UBXN2A: variants seen among roughly 807,000 people sequenced by gnomAD.
The protein encoded by UBXN2A is UBX domain-containing protein 2A.
UBXN2A carries 28 observed loss-of-function variants against 28.4 expected under a neutral mutation model. That is an observed-to-expected ratio of 0.99 (90% CI 0.73 to 1.35). The LOEUF is 1.35. Among genes scored for constraint, UBXN2A ranks in the 40% most tolerant of loss-of-function variants. The pLI is 0.00. For synonymous variants in UBXN2A, 97 were observed against 103.6 expected (o/e 0.94, Z 0.39); for missense variants, 253 against 297.9 (o/e 0.85, Z 1.11).
intron 2 of UBXN2A, among the ~76,000 whole-genome samples, chr2:23,970,056 C>T (rs1334041327): frequency 6.6e-6 from 1 of 152,084 alleles, no homozygotes; most frequent in Non-Finnish European, 1.5e-5. Flanking sequence ...CTTTGGGTGG[C>T]CAAGACAGGC....
intron 6 of UBXN2A, among the ~76,000 whole-genome samples, chr2:23,998,380 T>C (rs886352660): frequency 6.6e-6 from 1 of 152,174 alleles, no homozygotes; most frequent in African/African-American, 2.4e-5. Flanking sequence ...TCATATAATA[T>C]TTGAGAAGAC....
chr2:23,962,933 C>T (rs952121546), intron 2 of UBXN2A, among the ~76,000 whole-genome samples: 3 of 152,162 alleles, frequency 2.0e-5, no homozygotes, highest in African/African-American at 7.2e-5. Context: ...ATTGGACTTA[C>T]AGTTCCGCAT....
chr2:23,956,376 TCTCA>T lies in UBXN2A; in HGVS notation c.-14-1922_-14-1919del, dbSNP rs555460684. 5.3e-5 allele frequency among the ~76,000 whole-genome samples: 8 copies of T among 152,214 alleles called. No individual in the cohort carries two copies. The South Asian group carries it at 1.7e-3, about 32-fold the overall frequency. On this transcript the variant is annotated intron_variant, in intron 1 of 6. Coordinates refer to ENST00000309033, the MANE Select transcript of UBXN2A (RefSeq NM_181713.4). Reference sequence around the variant, plus strand: ...ATTATTTGTTTCTTTTTTGAGACAGTCTCACTAACTCTGTCACCAGAGTTGGAGT... The same window carrying T: ...ATTATTTGTTTCTTTTTTGAGACAGTCTAACTCTGTCACCAGAGTTGGAGT...
intron 1 of UBXN2A, among the ~76,000 whole-genome samples, chr2:23,947,232 C>G (rs1175797856): frequency 6.6e-6 from 1 of 152,184 alleles, no homozygotes; most frequent in Non-Finnish European, 1.5e-5. Flanking sequence ...TAGTCCAAAT[C>G]TATTTTGACT....
At chr2:23,945,123 A>G (rs1706000476) in intron 1 of UBXN2A, among the ~76,000 whole-genome samples, 1 of 152,176 alleles carries the variant, frequency 6.6e-6, no homozygotes, top group African/African-American at 2.4e-5. Flanking sequence ...ATAACATTTC[A>G]GTATGGAGCC....
At chr2:23,962,602 A>ATTTT in intron 2 of UBXN2A, among the ~76,000 whole-genome samples, 1 of 133,938 alleles carries the variant, frequency 7.5e-6, no homozygotes, top group African/African-American at 2.7e-5. Flanking sequence ...TCCTTTTTTT[A>ATTTT]TTCTTTTTTT....
chr2:23,976,208 C>T (rs535689208), intron 3 of UBXN2A, among the ~76,000 whole-genome samples: 11 of 152,188 alleles, frequency 7.2e-5, no homozygotes, highest in Non-Finnish European at 1.0e-4. Flanking sequence ...ACAGCATAAG[C>T]GGGAGCTACC....
chr2:23,939,339 G>GGGA (rs2150790617), upstream of UBXN2A, among the ~76,000 whole-genome samples: 1 of 152,272 alleles, frequency 6.6e-6, no homozygotes, highest in East Asian at 1.9e-4. Flanking sequence ...TGGGGATTGG[G>GGGA]GGAGGCTACA....
upstream of UBXN2A, among the ~76,000 whole-genome samples, chr2:23,935,568 G>A (rs185445908): frequency 3.7e-4 from 57 of 152,310 alleles, no homozygotes; most frequent in East Asian, 0.011. Context: ...GGGCGGGATA[G>A]TTATAAACAC....
upstream of UBXN2A, among the ~76,000 whole-genome samples, chr2:23,939,143 G>T (rs916854717): frequency 2.6e-5 from 4 of 152,104 alleles, no homozygotes; most frequent in Non-Finnish European, 5.9e-5. Context: ...ATTCGGAAAG[G>T]ATTATTGCAA....
chr2:23,928,040 G>A (rs948855823), intron 1 of UBXN2A, among the ~76,000 whole-genome samples: 83 of 151,932 alleles, frequency 5.5e-4, no homozygotes, highest in Admixed American at 5.4e-3. Flanking sequence ...GATGGGTGTT[G>A]TGGTGGGCAC....
intron 2 of UBXN2A, among the ~76,000 whole-genome samples, chr2:23,960,156 C>A (rs532199308): frequency 2.0e-5 from 3 of 151,672 alleles, no homozygotes; most frequent in Admixed American, 2.0e-4. Context: ...CTCGGGAGGC[C>A]GAGGCAGGAG....
chr2:23,977,512 C>T (rs1215946477), intron 4 of UBXN2A, among the ~76,000 whole-genome samples: 1 of 151,958 alleles, frequency 6.6e-6, no homozygotes, highest in Admixed American at 6.6e-5. Flanking sequence ...TGTGGTGGCA[C>T]ATGCCTGTAA....
intron 1 of UBXN2A, among the ~76,000 whole-genome samples, chr2:23,929,136 A>G (rs1409600032): frequency 6.6e-6 from 1 of 152,042 alleles, no homozygotes; most frequent in Non-Finnish European, 1.5e-5. Flanking sequence ...AAAAAGAAAG[A>G]GAGAGAGACA....
chr2:23,969,059 A>C (rs1476146229), intron 2 of UBXN2A: 1 of 151,042 alleles, frequency 6.6e-6, no homozygotes, highest in African/African-American at 2.4e-5. Context: ...CGCCTAGCTA[A>C]TTTTTATATT....
chr2:23,936,586 A>G (rs1051568529), upstream of UBXN2A, among the ~76,000 whole-genome samples: 2 of 152,046 alleles, frequency 1.3e-5, no homozygotes, highest in African/African-American at 4.8e-5. Flanking sequence ...AGAGATTACT[A>G]TGGGCTGTGG....
intron 6 of UBXN2A, among the ~76,000 whole-genome samples, chr2:23,986,390 T>C (rs1231951494): frequency 6.6e-6 from 1 of 152,132 alleles, no homozygotes; most frequent in Non-Finnish European, 1.5e-5. Context: ...ATCATTTGAT[T>C]CATTTTTCTG....
At chr2:23,988,731 C>T (rs1708227566) in intron 6 of UBXN2A, among the ~76,000 whole-genome samples, 2 of 152,160 alleles carry the variant, frequency 1.3e-5, no homozygotes, top group East Asian at 3.9e-4. Flanking sequence ...ACTTATGTTG[C>T]TCACAAGACC....
intron 3 of UBXN2A, among the ~76,000 whole-genome samples, chr2:23,976,441 C>T (rs1220698432): frequency 4.6e-5 from 7 of 152,046 alleles, no homozygotes; most frequent in Non-Finnish European, 8.8e-5. Context: ...TCCATTTTTA[C>T]GCTGCTGATA....
Sources: gnomAD v4.1 joint callset for allele counts (sites outside exome capture counted in the v4.1 genomes callset) on GRCh38, gnomAD v4.1.1 for gene constraint, MANE v1.5 for transcripts, NCBI Gene and HGNC (gene_info 2026-07-23, HGNC 2026-07-21) for gene names.